Variants in TTC39A observed in about 807,000 individuals in gnomAD.
TTC39A encodes the protein tetratricopeptide repeat protein 39A.
A neutral mutation model predicts 82.3 loss-of-function variants in TTC39A; 46 were observed. The ratio of observed to expected loss-of-function variants is 0.56; its 90% confidence interval spans 0.44 to 0.71. The LOEUF (loss-of-function observed/expected upper bound fraction) is 0.71. Ranked by LOEUF, TTC39A falls within the 30% of genes least tolerant of loss-of-function variation. TTC39A has a pLI of 0.00. For synonymous variants in TTC39A, 254 were observed against 275.2 expected (o/e 0.92, Z 0.76); for missense variants, 543 against 712.9 (o/e 0.76, Z 2.71).
chr1:51,331,659 C>A (rs1645913244), upstream of TTC39A: 2 of 985,312 alleles, frequency 2.0e-6, no homozygotes, highest in African/African-American at 3.5e-5. Context: ...CCTGGAAAGG[C>A]AGTGAAGTCC....
At chr1:51,303,255 C>T (rs1644746212) in intron 8 of TTC39A, 63 bp from the exon 9 acceptor site, 1 of 1,417,426 alleles carries the variant, frequency 7.1e-7, no homozygotes. Context: ...GGCAGCTGGA[C>T]AGCTGTGTGG....
intron 13 of TTC39A, 22 bp downstream of exon 13, chr1:51,296,057 G>A (rs769260525): frequency 6.4e-6 from 10 of 1,560,426 alleles, no homozygotes; most frequent in Non-Finnish European, 8.7e-6. Flanking sequence ...CCTACACAGT[G>A]GGAGCACGAT....
At chr1:51,334,363 TGTG>T (rs1645948383), upstream of TTC39A, among the ~76,000 whole-genome samples, 2 of 151,640 alleles carry the variant, frequency 1.3e-5, no homozygotes, top group South Asian at 4.2e-4. Flanking sequence ...ATTAGCCAGG[TGTG>T]GTGGTGCATG....
At chr1:51,301,085 G>A (rs1457028501) in intron 12 of TTC39A, 2 of 152,678 alleles carry the variant, frequency 1.3e-5, no homozygotes, top group South Asian at 2.1e-4. Flanking sequence ...GAAGTCGGAT[G>A]TGCCAAGAAT....
intron 5 of TTC39A, 59 bp downstream of exon 5, chr1:51,311,195 T>A (rs1224386718): frequency 2.7e-6 from 4 of 1,504,960 alleles, no homozygotes; most frequent in South Asian, 2.4e-5. Flanking sequence ...GGGTCATGGT[T>A]GGACGTGGAA....
rs776638504 is a variant in TTC39A, at chr1:51,294,484, A to C, written c.1173T>G (p.Ile391Met). ...FRAVPGLKLK[I>M]AGKSLPTEKF... ...TCTCTGTGGGTAGAGATTTCCCAGC[A>C]ATCTTGAGCTTCAGGCCTGGCACAG... Residue 391 changes from isoleucine (I) to methionine (M), a missense_variant, in exon 14 of 18, where the codon ATT becomes ATG. Coordinates refer to ENST00000680483, the MANE Select transcript of TTC39A (RefSeq NM_001297663.2). The surrounding 1 kb of genome is among the most constrained non-coding windows in gnomAD (Gnocchi z 4.3). 44 of 1,613,876 alleles carry C rather than the reference A, an allele frequency of 2.7e-5. No homozygotes were observed. The highest frequency in any genetic ancestry group is 1.7e-4 in the Admixed American group (10 of 60,004).
chr1:51,316,871 G>A (rs1048929344), intron 2 of TTC39A, among the ~76,000 whole-genome samples: 1 of 152,190 alleles, frequency 6.6e-6, no homozygotes, highest in Non-Finnish European at 1.5e-5. Flanking sequence ...CCAACCCAAG[G>A]GGGAGGGCAA....
In TTC39A at chr1:51,294,388, C is replaced by A. The variant is rs766471133; in HGVS notation, c.1266+3G>T. On this transcript the variant is annotated splice_donor_region_variant and intron_variant, in intron 14 of 17. Coordinates refer to ENST00000680483, the MANE Select transcript of TTC39A (RefSeq NM_001297663.2). The surrounding 1 kb of genome is among the most constrained non-coding windows in gnomAD (Gnocchi z 4.3). ...GCAGCGCCAGTCCAGACCTCCTACCCACCAGAGCAGGCACTGGCAGCGAGA... is the reference window on the plus strand; with the variant it reads ...GCAGCGCCAGTCCAGACCTCCTACCAACCAGAGCAGGCACTGGCAGCGAGA... 1 of 1,613,946 alleles carries A rather than the reference C, an allele frequency of 6.2e-7. No homozygotes were observed. Among genetic ancestry groups the A allele is most frequent in the Non-Finnish European group, 8.5e-7 (1 of 1,179,886 alleles).
At chr1:51,344,939 G>C in intron 1 of TTC39A, 1 of 1,519,946 alleles carries the variant, frequency 6.6e-7, no homozygotes. Context: ...TCCTCCGGCG[G>C]CCCCTTGGTC....
rs1645545374 is a variant in TTC39A at position 51,322,045 on chromosome 1, T to G, written c.42-220A>C. 17 of 1,522,462 alleles carry G rather than the reference T, an allele frequency of 1.1e-5. No individual in the cohort carries two copies. In the South Asian group the frequency reaches 2.0e-4, roughly 18 times the overall value. The allele number at this position is 1,522,462 out of a possible 1,614,324, so 94.3% of individuals were successfully genotyped here. On this transcript the variant is annotated intron_variant, in intron 1 of 17. Coordinates refer to ENST00000680483, the MANE Select transcript of TTC39A (RefSeq NM_001297663.2). ...GGAGGGGGAGCAGAAGGGAATGTCATCAGAGATCTGTTGGAGGTGGGGGAG... is the reference window on the plus strand; with the variant it reads ...GGAGGGGGAGCAGAAGGGAATGTCAGCAGAGATCTGTTGGAGGTGGGGGAG...
chr1:51,320,050 C>T (rs1011799032), intron 2 of TTC39A, among the ~76,000 whole-genome samples: 43 of 152,074 alleles, frequency 2.8e-4, no homozygotes, highest in African/African-American at 9.4e-4. Context: ...AGAGACAAGA[C>T]CTGGAATCAA....
At chr1:51,330,996 G>C, upstream of TTC39A, 1 of 682,626 alleles carries the variant, frequency 1.5e-6, no homozygotes, top group Admixed American at 2.1e-5. The surrounding 1 kb of genome is among the most constrained non-coding windows in gnomAD (Gnocchi z 4.5). Context: ...CTCGCCCACT[G>C]AGTGACTGCA....
At chr1:51,305,421 C>T (rs1425265079) in intron 7 of TTC39A, 1 of 395,786 alleles carries the variant, frequency 2.5e-6, no homozygotes, top group Non-Finnish European at 4.8e-6. Context: ...AGCTCCTCCT[C>T]CCTTGATCAG....
At position 51,309,332 on chromosome 1, in the gene TTC39A, G is replaced by A; in HGVS notation, c.424-7C>T. 1.9e-6 allele frequency: 3 copies of A among 1,613,106 alleles called. No individual in the cohort carries two copies. The highest frequency in any genetic ancestry group is 1.7e-5 in the Admixed American group (1 of 59,820). On this transcript the variant is annotated splice_polypyrimidine_tract_variant and splice_region_variant and intron_variant, in intron 5 of 17. Transcript: ENST00000680483. Reference sequence around the variant, plus strand: ...AGCTCACCATGTTCTCGTCCTGCAGGAGGAAAAGATGCTGACGGCCTGGCC... The same window carrying A: ...AGCTCACCATGTTCTCGTCCTGCAGAAGGAAAAGATGCTGACGGCCTGGCC...
At chr1:51,318,768 A>G (rs148668022) in intron 2 of TTC39A, among the ~76,000 whole-genome samples, 194 of 151,634 alleles carry the variant, frequency 1.3e-3, no homozygotes, top group African/African-American at 4.5e-3. Context: ...GAAATGGACG[A>G]CTCCTCTCTG....
In TTC39A at chr1:51,311,312, T is replaced by C; in HGVS notation, c.365A>G (p.His122Arg). 6.3e-7 allele frequency: 1 copy of C among 1,580,100 alleles called. No individual in the cohort carries two copies. The highest frequency in any genetic ancestry group is 1.2e-5 in the South Asian group (1 of 86,178). The change falls in exon 5 of 18, where the codon CAC becomes CGC. Residue 122 changes from histidine (H) to arginine (R), a missense_variant. Transcript: ENST00000680483. ...GCACTCTGCATAGCAGACCTCAGCGTGGATTTCCTCTGTGGGGAGAAAACC... is the reference window on the plus strand; with the variant it reads ...GCACTCTGCATAGCAGACCTCAGCGCGGATTTCCTCTGTGGGGAGAAAACC... Reference protein sequence around the residue: ...TLGQFTEEEIHAEVCYAECLL... With the variant: ...TLGQFTEEEIRAEVCYAECLL...
chr1:51,328,487 A>C (rs1490222557), intron 1 of TTC39A, among the ~76,000 whole-genome samples: 7 of 152,224 alleles, frequency 4.6e-5, no homozygotes, highest in Admixed American at 4.6e-4. Context: ...GACACATGCT[A>C]TAGGACTCCA....
At chr1:51,296,040 G>A in intron 13 of TTC39A, 39 bp downstream of exon 13, 1 of 1,548,060 alleles carries the variant, frequency 6.5e-7, no homozygotes, top group East Asian at 2.4e-5. Flanking sequence ...CTACACGGTG[G>A]GAGTGGCCTA....
At chr1:51,317,340 G>T (rs997285107) in intron 2 of TTC39A, among the ~76,000 whole-genome samples, 35 of 152,336 alleles carry the variant, frequency 2.3e-4, no homozygotes, top group Non-Finnish European at 5.0e-4. Flanking sequence ...AAGTGCCAGG[G>T]TATCCCCACT....
Sources: gnomAD v4.1 joint callset for allele counts (sites outside exome capture counted in the v4.1 genomes callset) on GRCh38, gnomAD v4.1.1 for gene constraint, Gnocchi (gnomAD v3.1) non-coding constraint, MANE v1.5 for transcripts, NCBI Gene and HGNC (gene_info 2026-07-23, HGNC 2026-07-21) for gene names.